The following DCDC1 variants were observed in gnomAD, a reference collection of about 807,000 sequenced individuals.
The protein encoded by DCDC1 is doublecortin domain containing 1.
A neutral mutation model predicts 178.3 loss-of-function variants in DCDC1; 200 were observed. The ratio of observed to expected loss-of-function variants is 1.12; its 90% CI spans 1.00 to 1.26. The LOEUF (loss-of-function observed/expected upper bound fraction) is 1.26, where lower values mean the gene tolerates loss of function less well. DCDC1 is among the 50% of genes most tolerant of loss of function. The pLI, the probability that DCDC1 is intolerant of heterozygous loss-of-function variation, is 0.00. For missense variants in DCDC1, 1,983 were observed against 1,749.2 expected (o/e 1.13, Z -2.38); for synonymous variants, 690 against 604.8 (o/e 1.14, Z -2.07).
chr11:31,315,911 T>C (rs1259046450), intron 3 of DCDC1, among the ~76,000 whole-genome samples: 2 of 114,018 alleles, frequency 1.8e-5, no homozygotes, highest in Non-Finnish European at 3.5e-5. Flanking sequence ...CGGTGTTTGG[T>C]TTTTTGTTCT....
chr11:30,891,107 A>ATATAGTT (rs1444400790), intron 36 of DCDC1, among the ~76,000 whole-genome samples: 1 of 152,202 alleles, frequency 6.6e-6, no homozygotes, highest in Non-Finnish European at 1.5e-5. Flanking sequence ...TAAACCTTGG[A>ATATAGTT]TATAGTTTTT....
intron 9 of DCDC1, among the ~76,000 whole-genome samples, chr11:31,209,674 A>G (rs543870296): frequency 6.6e-6 from 1 of 152,334 alleles, no homozygotes; most frequent in African/African-American, 2.4e-5. Flanking sequence ...TTGAGGCAAA[A>G]GTCATTTAAG....
In DCDC1 at chr11:31,025,843, C is replaced by T. The variant is rs565592373; in HGVS notation, c.2591+38626G>A. 4.6e-5 allele frequency among the ~76,000 whole-genome samples: 7 copies of T among 151,724 alleles called. No homozygotes were observed. The South Asian group carries it at 6.2e-4, about 13-fold the overall frequency. On this transcript the variant is annotated intron_variant, in intron 20 of 38. Transcript: ENST00000684477. Reference sequence around the variant, plus strand: ...CATCTCACAGATGAGGAAACTGAGGCCTACTGTGTAATAATAATACAGCCA... The same window carrying T: ...CATCTCACAGATGAGGAAACTGAGGTCTACTGTGTAATAATAATACAGCCA...
At chr11:31,073,466 G>A (rs1345216638) in intron 18 of DCDC1, among the ~76,000 whole-genome samples, 1 of 152,158 alleles carries the variant, frequency 6.6e-6, no homozygotes, top group Non-Finnish European at 1.5e-5. Context: ...ATTTAGATAA[G>A]ATGGAATTAT....
At chr11:31,084,135 A>G (rs770015370) in intron 17 of DCDC1, among the ~76,000 whole-genome samples, 3 of 152,168 alleles carry the variant, frequency 2.0e-5, no homozygotes, top group African/African-American at 4.8e-5. Flanking sequence ...AATAAGAATA[A>G]GATTATTAAC....
intron 20 of DCDC1, among the ~76,000 whole-genome samples, chr11:30,979,811 G>A (rs920409694): frequency 6.6e-6 from 1 of 152,172 alleles, no homozygotes; most frequent in Admixed American, 6.5e-5. Context: ...CATAAAAGAA[G>A]TCACCCAATA....
chr11:30,864,646 T>C lies in DCDC1; in HGVS notation c.*727A>G, dbSNP rs925870029. 3.3e-5 allele frequency: 5 copies of C among 152,334 alleles called. No individual in the cohort carries two copies. The highest frequency in any genetic ancestry group is 6.8e-3 in the Middle Eastern group (2 of 294). 9.4% of individuals were successfully genotyped at this position (152,334 alleles called of 1,614,324 possible). The stretch of plus-strand genomic sequence containing the variant: ...CTGATGAGTTTTATCAGTGAGCCCT[T>C]GTGGGTAGAGCTCTGTCCCAAGTAA... On this transcript the variant is annotated 3_prime_UTR_variant, in exon 39 of 39. Transcript: ENST00000684477.
intron 9 of DCDC1, among the ~76,000 whole-genome samples, chr11:31,221,618 C>T (rs1974276502): frequency 6.6e-6 from 1 of 152,126 alleles, no homozygotes; most frequent in Non-Finnish European, 1.5e-5. Flanking sequence ...TTTCTCTGTT[C>T]CCTTTAGTTC....
intron 9 of DCDC1, among the ~76,000 whole-genome samples, chr11:31,225,163 T>C (rs1343510315): frequency 3.3e-5 from 5 of 152,112 alleles, no homozygotes; most frequent in Non-Finnish European, 5.9e-5. Context: ...ATATACATCA[T>C]GGAATACTAC....
chr11:30,993,583 A>G (rs1951098333), intron 20 of DCDC1, among the ~76,000 whole-genome samples: 1 of 152,164 alleles, frequency 6.6e-6, no homozygotes, highest in South Asian at 2.1e-4. Flanking sequence ...GACATAGAGA[A>G]AAACAAGACA....
intron 1 of DCDC1, among the ~76,000 whole-genome samples, chr11:31,352,122 G>A (rs1951103512): frequency 6.6e-6 from 1 of 151,992 alleles, no homozygotes; most frequent in Admixed American, 6.6e-5. Flanking sequence ...ATTCTCCTGG[G>A]GTGAAATTTA....
intron 20 of DCDC1, among the ~76,000 whole-genome samples, chr11:30,953,445 T>C (rs1229530424): frequency 6.6e-6 from 1 of 151,714 alleles, no homozygotes; most frequent in Non-Finnish European, 1.5e-5. Context: ...AGGATACATG[T>C]AGAATTATAT....
chr11:31,101,497 AG>A (rs1442493490), intron 15 of DCDC1, among the ~76,000 whole-genome samples: 2 of 152,158 alleles, frequency 1.3e-5, no homozygotes, highest in African/African-American at 4.8e-5. Flanking sequence ...TGACCTGTAG[AG>A]CAAATAGATC....
At chr11:31,182,765 G>A (rs1248198929) in intron 9 of DCDC1, among the ~76,000 whole-genome samples, 6 of 152,108 alleles carry the variant, frequency 3.9e-5, no homozygotes, top group Non-Finnish European at 7.3e-5. Flanking sequence ...AACCTTAAAT[G>A]TAAACGGGCT....
At chr11:31,037,744 T>C (rs989124379) in intron 20 of DCDC1, among the ~76,000 whole-genome samples, 1 of 152,156 alleles carries the variant, frequency 6.6e-6, no homozygotes, top group African/African-American at 2.4e-5. Flanking sequence ...ATTACAGGCG[T>C]GAGCCACTGC....
intron 1 of DCDC1, among the ~76,000 whole-genome samples, chr11:31,363,342 T>A (rs553188807): frequency 6.6e-6 from 1 of 152,254 alleles, no homozygotes; most frequent in East Asian, 1.9e-4. Context: ...ATGACACTAA[T>A]CTTATTTTAA....
At chr11:31,259,784 A>T (rs2137058635) in intron 8 of DCDC1, among the ~76,000 whole-genome samples, 1 of 152,298 alleles carries the variant, frequency 6.6e-6, no homozygotes, top group African/African-American at 2.4e-5. Flanking sequence ...CCTGGTCAAC[A>T]GCTTGGGCCG....
At chr11:31,115,981 T>TGGGGGGGGGGGGGGGGGGGGGGGG (rs548179744) in intron 11 of DCDC1, among the ~76,000 whole-genome samples, 2 of 38,090 alleles carry the variant, frequency 5.3e-5, no homozygotes, top group African/African-American at 6.5e-5. Context: ...GCTGTGGCAG[T>TGGGGGGGGGGGGGGGGGGGGGGGG]GGGGGGGGGG....
intron 20 of DCDC1, among the ~76,000 whole-genome samples, chr11:30,985,817 A>C (rs965048260): frequency 1.3e-5 from 2 of 152,212 alleles, no homozygotes; most frequent in African/African-American, 2.4e-5. Context: ...AGAACATGGC[A>C]ATCAACATTT....
Sources: gnomAD v4.1 joint callset for allele counts (sites outside exome capture counted in the v4.1 genomes callset) on GRCh38, gnomAD v4.1.1 for gene constraint, MANE v1.5 for transcripts, NCBI Gene and HGNC (gene_info 2026-07-23, HGNC 2026-07-21) for gene names.